Variants in CNTNAP5 observed in about 807,000 individuals in gnomAD.
CNTNAP5 encodes the protein contactin associated protein family member 5.
Under a neutral mutation model 150.2 loss-of-function variants are expected in CNTNAP5, and 72 were observed. The observed-to-expected ratio is 0.48, with a 90% CI of 0.40 to 0.58. The LOEUF (loss-of-function observed/expected upper bound fraction) is 0.58, where lower values mean the gene tolerates loss of function less well. CNTNAP5 is among the 20% of genes least tolerant of loss of function. The pLI, the probability that CNTNAP5 is intolerant of heterozygous loss-of-function variation, is 0.00. For missense variants in CNTNAP5, 1,636 were observed against 1,626.2 expected (o/e 1.01, Z -0.10); for synonymous variants, 672 against 619.8 (o/e 1.08, Z -1.25).
chr2:124,680,878 T>C (rs1679052174), intron 13 of CNTNAP5: 1 of 151,712 alleles, frequency 6.6e-6, no homozygotes, highest in Non-Finnish European at 1.5e-5. Flanking sequence ...TTGGTAAGAT[T>C]AAGGGGATGA....
At chr2:124,456,962 C>T (rs982475847) in intron 6 of CNTNAP5, among the ~76,000 whole-genome samples, 3 of 152,206 alleles carry the variant, frequency 2.0e-5, no homozygotes, top group Admixed American at 2.0e-4. Context: ...TACGAAAGTT[C>T]TAGAAGATGG....
At chr2:124,826,277 G>T (rs970381741) in intron 19 of CNTNAP5, among the ~76,000 whole-genome samples, 2 of 152,102 alleles carry the variant, frequency 1.3e-5, no homozygotes, top group Admixed American at 1.3e-4. Context: ...TGGGTTCCTT[G>T]TGAAGGTGAA....
chr2:124,725,437 CTCCCCT>C (rs1205055837), intron 13 of CNTNAP5, among the ~76,000 whole-genome samples: 4 of 150,832 alleles, frequency 2.7e-5, no homozygotes, highest in Admixed American at 6.6e-5. Flanking sequence ...CCTCCCTTTA[CTCCCCT>C]TCCCCTTCCC....
chr2:124,753,012 G>A (rs1680762669), intron 14 of CNTNAP5, among the ~76,000 whole-genome samples: 1 of 152,160 alleles, frequency 6.6e-6, no homozygotes, highest in Admixed American at 6.5e-5. Flanking sequence ...CTAAAGTGAA[G>A]CTCTTTTACT....
intron 13 of CNTNAP5, among the ~76,000 whole-genome samples, chr2:124,664,107 G>A (rs1053483144): frequency 2.6e-5 from 4 of 152,128 alleles, no homozygotes; most frequent in Non-Finnish European, 5.9e-5. Context: ...TGAAAATCCT[G>A]TGAGAATATG....
Position 124,754,357 on chromosome 2 carries a change from G to A in CNTNAP5, c.2234+6972G>A, listed in dbSNP as rs1021208000. Reference sequence around the variant, plus strand: ...CTACTGCTTATTGAGTTTTGAAAGTGCTTGTTCTCTAGGCAGACAGGAATT... The same window carrying A: ...CTACTGCTTATTGAGTTTTGAAAGTACTTGTTCTCTAGGCAGACAGGAATT... On this transcript the variant is annotated intron_variant, in intron 14 of 23. Transcript: ENST00000682447. Among the ~76,000 whole-genome samples the A allele has an allele frequency of 2.6e-5, 4 of 152,082 alleles. No individual in the cohort carries two copies. In the East Asian group the frequency reaches 7.7e-4, roughly 29 times the overall value.
intron 13 of CNTNAP5, among the ~76,000 whole-genome samples, chr2:124,691,132 C>T (rs1001812132): frequency 6.6e-6 from 1 of 152,068 alleles, no homozygotes; most frequent in Non-Finnish European, 1.5e-5. Context: ...CTAATGCAAA[C>T]AGACTGAGTT....
At chr2:124,660,715 C>T (rs2174252) in intron 13 of CNTNAP5, among the ~76,000 whole-genome samples, 40,835 of 151,564 alleles carry the variant, frequency 0.27, 6,320 homozygotes, top group Non-Finnish European at 0.35. Context: ...AACTATAATA[C>T]AATGGTAAAT....
intron 13 of CNTNAP5, among the ~76,000 whole-genome samples, chr2:124,656,312 A>G (rs1403799333): frequency 6.6e-6 from 1 of 152,172 alleles, no homozygotes; most frequent in East Asian, 1.9e-4. Context: ...GTTATAATTC[A>G]TGTTGGAAAT....
At chr2:124,564,412 G>A (rs1847428) in intron 11 of CNTNAP5, among the ~76,000 whole-genome samples, 84,332 of 151,978 alleles carry the variant, frequency 0.55, 24,507 homozygotes, top group Non-Finnish European at 0.62. Context: ...CTGGAGTCCA[G>A]TGGCACGATC....
chr2:124,371,112 G>A (rs751430333), intron 3 of CNTNAP5, among the ~76,000 whole-genome samples: 1 of 152,110 alleles, frequency 6.6e-6, no homozygotes, highest in African/African-American at 2.4e-5. Context: ...TCTCACATAA[G>A]TGTCTATGAC....
intron 22 of CNTNAP5, among the ~76,000 whole-genome samples, chr2:124,909,851 A>ATT: frequency 7.1e-6 from 1 of 141,054 alleles, no homozygotes; most frequent in Non-Finnish European, 1.5e-5. Context: ...ATATATATAT[A>ATT]TATATATGTT....
chr2:124,323,440 C>T (rs1204903851), intron 3 of CNTNAP5, among the ~76,000 whole-genome samples: 4 of 152,160 alleles, frequency 2.6e-5, no homozygotes, highest in Admixed American at 2.0e-4. Context: ...TACCCTTCAG[C>T]AATGTGTCTC....
chr2:124,464,220 C>T (rs986607891), intron 6 of CNTNAP5, among the ~76,000 whole-genome samples: 1 of 152,032 alleles, frequency 6.6e-6, no homozygotes. Flanking sequence ...GATGTCAGGA[C>T]ATGGATGAAG....
rs962632962 is a variant in CNTNAP5 at position 124,783,632 on chromosome 2, A to G, written c.2753-6270A>G. Among the ~76,000 whole-genome samples, 3 of 152,162 alleles carry G rather than the reference A, an allele frequency of 2.0e-5. No homozygotes were observed. In the South Asian group the frequency reaches 6.2e-4, roughly 32 times the overall value. On this transcript the variant is annotated intron_variant, in intron 17 of 23. Transcript: ENST00000682447. ...TATTTTAATCTGTTAACCAAATTCAAGTTATCACTAAACTCTTTTCCAGTT... is the reference window on the plus strand; with the variant it reads ...TATTTTAATCTGTTAACCAAATTCAGGTTATCACTAAACTCTTTTCCAGTT...
chr2:124,365,603 G>A (rs1336707145), intron 3 of CNTNAP5, among the ~76,000 whole-genome samples: 2 of 152,270 alleles, frequency 1.3e-5, no homozygotes, highest in East Asian at 3.9e-4. Flanking sequence ...GGGAAGCAGA[G>A]CAAAAGATTT....
chr2:124,349,433 G>C (rs1312609710), intron 3 of CNTNAP5, among the ~76,000 whole-genome samples: 1 of 152,176 alleles, frequency 6.6e-6, no homozygotes, highest in Non-Finnish European at 1.5e-5. Flanking sequence ...GACTGTATTA[G>C]TTTGAGCTTC....
intron 10 of CNTNAP5, among the ~76,000 whole-genome samples, chr2:124,546,458 G>T (rs12711680): frequency 0.36 from 55,325 of 151,744 alleles, 10,130 homozygotes; most frequent in South Asian, 0.47. Flanking sequence ...GTTTACAAAC[G>T]TATATGACTA....
intron 7 of CNTNAP5, among the ~76,000 whole-genome samples, chr2:124,476,710 C>A (rs1693648592): frequency 6.6e-6 from 1 of 152,068 alleles, no homozygotes; most frequent in Non-Finnish European, 1.5e-5. Context: ...TTCCCATATA[C>A]CACCCTGGCC....
Sources: allele counts gnomAD v4.1 joint callset (sites outside exome capture counted in the v4.1 genomes callset), GRCh38; gene constraint gnomAD v4.1.1; transcripts MANE v1.5; gene names NCBI Gene and HGNC (gene_info 2026-07-23, HGNC 2026-07-21).